LINGO2: variants seen among roughly 807,000 people sequenced by gnomAD.
LINGO2 encodes leucine-rich repeat and immunoglobulin-like domain-containing nogo receptor-interacting protein 2.
LINGO2 carries 14 observed loss-of-function variants against 30.6 expected under a neutral mutation model. That is an observed-to-expected ratio of 0.46 (90% confidence interval 0.30 to 0.72). LINGO2 has a LOEUF of 0.72. Ranked by LOEUF, LINGO2 falls within the 30% of genes least tolerant of loss-of-function variation. The pLI, the probability that LINGO2 is intolerant of heterozygous loss-of-function variation, is 0.07. For missense variants in LINGO2, 729 were observed against 751.7 expected (o/e 0.97, Z 0.35); for synonymous variants, 317 against 288.5 (o/e 1.10, Z -1.00).
chr9:27,972,199 C>T (rs1018451900), intron 5 of LINGO2, among the ~76,000 whole-genome samples: 35 of 152,140 alleles, frequency 2.3e-4, no homozygotes, highest in African/African-American at 8.0e-4. Context: ...GTTTAGGAAA[C>T]GGTGAGGGCA....
chr9:28,965,939 C>T, the LINGO2 span, among the ~76,000 whole-genome samples: 1,097 of 152,202 alleles, frequency 7.2e-3, 21 homozygotes, highest in African/African-American at 0.025. Flanking sequence ...GATATTTTTG[C>T]GAAGCAAAGC....
chr9:29,160,362 G>A, the LINGO2 span, among the ~76,000 whole-genome samples: 3 of 152,278 alleles, frequency 2.0e-5, no homozygotes, highest in East Asian at 5.8e-4. Context: ...ACTAGCTGTG[G>A]CAAGTTATTT....
intron 3 of LINGO2, among the ~76,000 whole-genome samples, chr9:28,324,219 T>C (rs1373366394): frequency 1.3e-5 from 2 of 152,140 alleles, no homozygotes; most frequent in Non-Finnish European, 2.9e-5. Context: ...TTAGCAGTTA[T>C]TCGTTTGTTG....
chr9:28,131,224 G>A (rs1399929737), intron 4 of LINGO2, among the ~76,000 whole-genome samples: 1 of 151,240 alleles, frequency 6.6e-6, no homozygotes, highest in Non-Finnish European at 1.5e-5. Context: ...GACTTTTGGA[G>A]CAGTGTTATA....
intron 4 of LINGO2, among the ~76,000 whole-genome samples, chr9:28,037,070 A>T (rs188165703): frequency 3.3e-5 from 5 of 152,172 alleles, no homozygotes; most frequent in African/African-American, 9.7e-5. Context: ...CTTATTGTGG[A>T]TGAATTCCTA....
intron 5 of LINGO2, among the ~76,000 whole-genome samples, chr9:27,992,069 C>T (rs1382022726): frequency 6.6e-6 from 1 of 152,012 alleles, no homozygotes. Flanking sequence ...AACTTTTCTG[C>T]TTCTGTCAGG....
intron 4 of LINGO2, among the ~76,000 whole-genome samples, chr9:28,265,110 T>C (rs547832098): frequency 2.0e-5 from 3 of 151,978 alleles, no homozygotes; most frequent in East Asian, 3.9e-4. Context: ...AGCCCCACAA[T>C]TGTAAGAGCT....
At chr9:28,552,393 G>A (rs1822341692) in intron 1 of LINGO2, among the ~76,000 whole-genome samples, 1 of 152,034 alleles carries the variant, frequency 6.6e-6, no homozygotes. Flanking sequence ...CTTAGCCATA[G>A]AACCCTAGAT....
the LINGO2 span, among the ~76,000 whole-genome samples, chr9:28,812,152 T>C: frequency 8.4e-4 from 128 of 152,088 alleles, no homozygotes; most frequent in South Asian, 4.8e-3. Flanking sequence ...CATAAATACA[T>C]CTTTGCTAGA....
the LINGO2 span, among the ~76,000 whole-genome samples, chr9:28,945,519 C>A: frequency 1.3e-5 from 2 of 152,082 alleles, no homozygotes. Context: ...AATTCTATCT[C>A]CAACAATAAA....
chr9:28,883,435 C>G, the LINGO2 span, among the ~76,000 whole-genome samples: 1 of 151,550 alleles, frequency 6.6e-6, no homozygotes. Context: ...CTTTCTACCA[C>G]ACTCACTCTG....
chr9:28,015,784 TTTACC>T (rs948019222), intron 4 of LINGO2, among the ~76,000 whole-genome samples: 1 of 151,780 alleles, frequency 6.6e-6, no homozygotes, highest in African/African-American at 2.4e-5. Flanking sequence ...ATAATCCCAG[TTTACC>T]TTAATGTTAA....
At chr9:27,995,553 C>T (rs72722852) in intron 5 of LINGO2, among the ~76,000 whole-genome samples, 8,708 of 152,102 alleles carry the variant, frequency 0.057, 371 homozygotes, top group Middle Eastern at 0.18. Flanking sequence ...GGGATTTATT[C>T]CAGAGATGTA....
At chr9:28,042,657 A>G (rs1188516849) in intron 4 of LINGO2, among the ~76,000 whole-genome samples, 1 of 152,138 alleles carries the variant, frequency 6.6e-6, no homozygotes, top group African/African-American at 2.4e-5. Context: ...AAATTCATAT[A>G]TTCAATCTAT....
chr9:28,756,791 T>TC, the LINGO2 span, among the ~76,000 whole-genome samples: 1 of 151,862 alleles, frequency 6.6e-6, no homozygotes, highest in African/African-American at 2.4e-5. Context: ...CATGCCTTCT[T>TC]CCCCTTCTGC....
rs1038537547 is a variant in LINGO2 at position 28,301,768 on chromosome 9, C to A, written c.-245-6402G>T. Among the ~76,000 whole-genome samples, 33 of 152,178 alleles carry A rather than the reference C, an allele frequency of 2.2e-4. 1 individual carries two copies. The East Asian group carries it at 5.6e-3, about 26-fold the overall frequency. On this transcript the variant is annotated intron_variant, in intron 3 of 5. Coordinates refer to ENST00000379992, the Ensembl canonical transcript of LINGO2. ...ACACAAGAAGATCATCCCTAAAATA[C>A]ATAATCATCAGGTTTTCCAAGGTCT...
chr9:28,536,851 T>C (rs1232090518), intron 1 of LINGO2, among the ~76,000 whole-genome samples: 1 of 152,030 alleles, frequency 6.6e-6, no homozygotes, highest in Non-Finnish European at 1.5e-5. Context: ...CAATAGTGTC[T>C]CTGTTATGGT....
chr9:28,519,989 A>C (rs1820770476), intron 1 of LINGO2, among the ~76,000 whole-genome samples: 1 of 152,188 alleles, frequency 6.6e-6, no homozygotes, highest in Admixed American at 6.5e-5. Flanking sequence ...AATACATATA[A>C]TGATGCTATT....
intron 1 of LINGO2, among the ~76,000 whole-genome samples, chr9:28,506,966 G>C (rs1201581942): frequency 6.6e-6 from 1 of 151,972 alleles, no homozygotes; most frequent in African/African-American, 2.4e-5. Context: ...GAATTACAAA[G>C]GGAAAGAACA....
Sources: allele counts gnomAD v4.1 joint callset (sites outside exome capture counted in the v4.1 genomes callset), GRCh38; gene constraint gnomAD v4.1.1; transcripts MANE v1.5; gene names NCBI Gene and HGNC (gene_info 2026-07-23, HGNC 2026-07-21).